Variants in EBF1 observed in about 807,000 individuals in gnomAD.
EBF1 encodes the protein EBF transcription factor 1.
A neutral mutation model predicts 68.4 loss-of-function variants in EBF1; 10 were observed. That is an observed-to-expected ratio of 0.15 (90% CI 0.09 to 0.25). EBF1 has a LOEUF of 0.25. Among genes scored for constraint, EBF1 ranks in the 10% least tolerant of loss-of-function variants. EBF1 has a pLI of 1.00. For missense variants in EBF1, 509 were observed against 794.4 expected, an observed-to-expected ratio of 0.64 and a Z score of 4.32; for synonymous variants, 298 against 299.8, an observed-to-expected ratio of 0.99 and a Z score of 0.06.
At chr5:159,027,930 C>T (rs1239791413) in intron 6 of EBF1, among the ~76,000 whole-genome samples, 3 of 152,162 alleles carry the variant, frequency 2.0e-5, no homozygotes, top group African/African-American at 7.2e-5. Flanking sequence ...CATTTACTCT[C>T]TTCTGGAAAA....
chr5:158,856,780 G>T (rs1406102927), intron 6 of EBF1, among the ~76,000 whole-genome samples: 2 of 152,140 alleles, frequency 1.3e-5, no homozygotes, highest in African/African-American at 4.8e-5. Flanking sequence ...GCTCATGGCA[G>T]ATATAGACAA....
At position 159,028,673 on chromosome 5, in the gene EBF1, G is replaced by A. The variant is rs550298669; in HGVS notation, c.554+44723C>T. On this transcript the variant is annotated intron_variant, in intron 6 of 15. Transcript: ENST00000313708. ...CCTGCACCAAGCACAGTGCTAGCAC[G>A]GAGCATGGATTCAACAAACATTTGT... is the stretch of plus-strand genomic sequence containing the variant. Among the ~76,000 whole-genome samples, 7 of 152,302 alleles carry A rather than the reference G, an allele frequency of 4.6e-5. No homozygotes were observed. In the East Asian group the frequency reaches 9.6e-4, roughly 21 times the overall value.
intron 6 of EBF1, among the ~76,000 whole-genome samples, chr5:158,934,842 C>T (rs1213553809): frequency 6.6e-6 from 1 of 152,150 alleles, no homozygotes; most frequent in Admixed American, 6.5e-5. Flanking sequence ...AAAATTATAG[C>T]CTGACCCTGA....
At chr5:158,908,162 C>A (rs565367006) in intron 6 of EBF1, among the ~76,000 whole-genome samples, 26 of 152,282 alleles carry the variant, frequency 1.7e-4, no homozygotes, top group Non-Finnish European at 3.4e-4. Flanking sequence ...ATATCCTCAT[C>A]TTTACTTAAA....
chr5:159,001,064 A>G (rs1290576685), intron 6 of EBF1, among the ~76,000 whole-genome samples: 1 of 152,186 alleles, frequency 6.6e-6, no homozygotes, highest in Non-Finnish European at 1.5e-5. Flanking sequence ...AATCAAAATG[A>G]CATCCAGGAA....
rs1223787877 is a variant in EBF1 at position 159,031,832 on chromosome 5, CT to C, written c.554+41563del. Among the ~76,000 whole-genome samples, 3 of 152,146 alleles carry C rather than the reference CT, an allele frequency of 2.0e-5. No homozygotes were observed. The East Asian group carries it at 5.8e-4, about 29-fold the overall frequency. On this transcript the variant is annotated intron_variant, in intron 6 of 15. Transcript: ENST00000313708. The stretch of plus-strand genomic sequence containing the variant: ...CCCTAAATCTAACCCAGCAATGAAA[CT>C]TTTAAAATTTGTAAAAATAGAACAG...
intron 6 of EBF1, among the ~76,000 whole-genome samples, chr5:158,956,481 A>T (rs1051450567): frequency 2.6e-5 from 4 of 151,250 alleles, no homozygotes; most frequent in African/African-American, 7.3e-5. Context: ...ACACACACGC[A>T]CACACACACA....
At chr5:158,932,060 C>T (rs575883688) in intron 6 of EBF1, among the ~76,000 whole-genome samples, 2 of 152,098 alleles carry the variant, frequency 1.3e-5, no homozygotes, top group Admixed American at 6.5e-5. Flanking sequence ...CACTCTCACC[C>T]GTGGGAGGGG....
intron 6 of EBF1, among the ~76,000 whole-genome samples, chr5:159,007,470 T>C (rs1450031062): frequency 1.3e-5 from 2 of 152,226 alleles, no homozygotes; most frequent in Non-Finnish European, 2.9e-5. Flanking sequence ...GTGTACTACA[T>C]AAGCAGTTCT....
intron 7 of EBF1, among the ~76,000 whole-genome samples, chr5:158,825,650 A>G (rs1372189987): frequency 6.6e-6 from 1 of 152,110 alleles, no homozygotes; most frequent in Non-Finnish European, 1.5e-5. Flanking sequence ...ACTACACCCC[A>G]TATGTTTTTC....
intron 6 of EBF1, among the ~76,000 whole-genome samples, chr5:158,993,248 G>C (rs1760746348): frequency 6.6e-6 from 1 of 151,994 alleles, no homozygotes; most frequent in African/African-American, 2.4e-5. Context: ...GGGTTTCACT[G>C]TGTTGCCCAG....
chr5:158,796,133 T>C (rs575042664), intron 9 of EBF1, among the ~76,000 whole-genome samples: 1 of 152,254 alleles, frequency 6.6e-6, no homozygotes, highest in African/African-American at 2.4e-5. Flanking sequence ...TCCCATTGCT[T>C]ATGGGCCAAA....
intron 9 of EBF1, among the ~76,000 whole-genome samples, chr5:158,793,002 G>T (rs1188595083): frequency 6.6e-6 from 1 of 152,138 alleles, no homozygotes; most frequent in Non-Finnish European, 1.5e-5. Flanking sequence ...TGATAAAAAT[G>T]GTGGCACAGG....
At position 158,696,582 on chromosome 5, in the gene EBF1, CCTTT is replaced by C. The variant is rs1295806467; in HGVS notation, c.*2525_*2528del. The C allele has an allele frequency of 2.2e-5, 5 of 222,582 alleles. No homozygotes were observed. The highest frequency in any genetic ancestry group is 4.5e-5 in the Non-Finnish European group (5 of 111,170). 13.8% of individuals were successfully genotyped at this position (222,582 alleles called of 1,614,324 possible). A position where few individuals can be genotyped will look rare whatever the true frequency, so the allele number is the denominator to read the frequency against. On this transcript the variant is annotated 3_prime_UTR_variant, in exon 16 of 16. Coordinates refer to ENST00000313708, the MANE Select transcript of EBF1 (RefSeq NM_024007.5). ...GCGCTTACCACGCAAATTCAGATAA[CCTTT>C]CTGAGTACCGAGAAGCAATGCGTCC...
At chr5:159,073,238 C>G (rs1778147170) in intron 6 of EBF1, among the ~76,000 whole-genome samples, 158 bp downstream of exon 6, 1 of 152,198 alleles carries the variant, frequency 6.6e-6, no homozygotes, top group Non-Finnish European at 1.5e-5. Flanking sequence ...TTCCATATGG[C>G]TTTCCCAGGA....
At chr5:158,803,998 A>AGGAGAAAT (rs969642997) in intron 8 of EBF1, among the ~76,000 whole-genome samples, 21 of 140,868 alleles carry the variant, frequency 1.5e-4, no homozygotes, top group Admixed American at 1.5e-3. Flanking sequence ...TGTCACTTTA[A>AGGAGAAAT]GGAGAAATGT....
At position 158,718,528 on chromosome 5, in the gene EBF1, T is replaced by C. The variant is rs563169462; in HGVS notation, c.1126-4346A>G. ...GGTATGGTAATGAAGGAGATCACTC[T>C]CATTTATTGAAAGTGGAGCAAGAAC... On this transcript the variant is annotated intron_variant, in intron 11 of 15. Coordinates refer to ENST00000313708, the MANE Select transcript of EBF1 (RefSeq NM_024007.5). Among the ~76,000 whole-genome samples, 9 of 152,294 alleles carry C rather than the reference T, an allele frequency of 5.9e-5. No individual in the cohort carries two copies. In the South Asian group the frequency reaches 1.7e-3, roughly 28 times the overall value.
intron 6 of EBF1, among the ~76,000 whole-genome samples, chr5:158,869,413 A>G (rs972574499): frequency 2.6e-5 from 4 of 152,298 alleles, no homozygotes; most frequent in South Asian, 2.1e-4. Flanking sequence ...AGGCATTGCC[A>G]TTCAGTCTGT....
At chr5:158,788,081 C>T (rs1777821096) in intron 9 of EBF1, among the ~76,000 whole-genome samples, 2 of 152,060 alleles carry the variant, frequency 1.3e-5, no homozygotes, top group African/African-American at 2.4e-5. Context: ...TCACTAATGC[C>T]TCAGAAGTGC....
Sources: gnomAD v4.1 joint callset for allele counts (sites outside exome capture counted in the v4.1 genomes callset) on GRCh38, gnomAD v4.1.1 for gene constraint, MANE v1.5 for transcripts, NCBI Gene and HGNC (gene_info 2026-07-23, HGNC 2026-07-21) for gene names.